The following TRAPPC8 variants were observed in gnomAD, a reference collection of about 807,000 sequenced individuals.
The protein encoded by TRAPPC8 is trafficking protein particle complex subunit 8.
Under a neutral mutation model 174.3 loss-of-function variants are expected in TRAPPC8, and 54 were observed. That is an observed-to-expected ratio of 0.31 (90% CI 0.25 to 0.39). The LOEUF is 0.39. Among genes scored for constraint, TRAPPC8 ranks in the 10% least tolerant of loss-of-function variants. The pLI, the probability that TRAPPC8 is intolerant of heterozygous loss-of-function variation, is 1.00. For missense variants in TRAPPC8, 1,531 were observed against 1,699.1 expected, an observed-to-expected ratio of 0.90 and a Z score of 1.74; for synonymous variants, 630 against 579.9, an observed-to-expected ratio of 1.09 and a Z score of -1.24.
intron 25 of TRAPPC8, 140 bp downstream of exon 25, chr18:31,849,426 A>C (rs914282487): frequency 5.4e-6 from 4 of 743,628 alleles, no homozygotes; most frequent in Non-Finnish European, 7.6e-6. Flanking sequence ...GCCAAAAAAA[A>C]ATATGTAACT....
At chr18:31,842,340 G>T (rs892519420) in intron 26 of TRAPPC8, among the ~76,000 whole-genome samples, 24 of 152,196 alleles carry the variant, frequency 1.6e-4, no homozygotes, top group African/African-American at 5.5e-4. Flanking sequence ...GCTACCAACT[G>T]ACCAATGTGC....
intron 12 of TRAPPC8, among the ~76,000 whole-genome samples, chr18:31,879,323 A>C (rs920775714): frequency 1.3e-5 from 2 of 152,180 alleles, no homozygotes; most frequent in African/African-American, 4.8e-5. Context: ...ACCAGGAGGA[A>C]CGCTCAAAAC....
At chr18:31,915,651 C>CT in intron 4 of TRAPPC8, among the ~76,000 whole-genome samples, 1 of 152,108 alleles carries the variant, frequency 6.6e-6, no homozygotes, top group East Asian at 1.9e-4. Context: ...AATCCCAGCA[C>CT]TTTGAGAGGC....
rs182526443 is a variant in TRAPPC8 at position 31,829,449 on chromosome 18, C to T, written c.*1306G>A. On this transcript the variant is annotated 3_prime_UTR_variant, in exon 29 of 29. Transcript: ENST00000283351. ...ATGTGACCTTCCTCTCCAACTTGTC[C>T]CACACCTGCTAAGACACAGAGTGGA... 2 of 152,272 alleles carry T rather than the reference C, an allele frequency of 1.3e-5. No individual in the cohort carries two copies. Among genetic ancestry groups the T allele is most frequent in the Admixed American group, 6.5e-5 (1 of 15,296 alleles). 9.4% of individuals were successfully genotyped at this position (152,272 alleles called of 1,614,324 possible).
intron 1 of TRAPPC8, among the ~76,000 whole-genome samples, chr18:31,940,715 T>C (rs903859712): frequency 1.3e-5 from 2 of 151,904 alleles, no homozygotes; most frequent in African/African-American, 2.4e-5. Flanking sequence ...GCCAGGATGG[T>C]CTCGAACTCC....
chr18:31,880,090 A>AAAAAAAAAAATATAT (rs1259899654), intron 12 of TRAPPC8, among the ~76,000 whole-genome samples: 1 of 85,378 alleles, frequency 1.2e-5, no homozygotes, highest in African/African-American at 5.2e-5. Context: ...TGAAAAAAAA[A>AAAAAAAAAAATATAT]ATATATATAT....
chr18:31,881,986 C>CA (rs2145286152), intron 12 of TRAPPC8, among the ~76,000 whole-genome samples: 1 of 152,142 alleles, frequency 6.6e-6, no homozygotes, highest in South Asian at 2.1e-4. Context: ...GAAAACAGAA[C>CA]AGTTATACAC....
intron 12 of TRAPPC8, among the ~76,000 whole-genome samples, chr18:31,887,471 C>T (rs1289184306): frequency 6.6e-6 from 1 of 151,880 alleles, no homozygotes; most frequent in Admixed American, 6.6e-5. Flanking sequence ...GTGGTGAAAC[C>T]CCATCTCTAC....
At chr18:31,864,596 T>G in intron 19 of TRAPPC8, 31 bp downstream of exon 19, 3 of 1,599,934 alleles carry the variant, frequency 1.9e-6, no homozygotes, top group Non-Finnish European at 2.6e-6. Context: ...ATAGATAAAT[T>G]AAGTCCATGA....
intron 9 of TRAPPC8, among the ~76,000 whole-genome samples, chr18:31,903,024 T>C (rs1200580721): frequency 6.9e-6 from 1 of 145,874 alleles, no homozygotes; most frequent in Non-Finnish European, 1.5e-5. Context: ...CACTCCAGCC[T>C]GGGTGACAGC....
chr18:31,858,028 T>C, intron 19 of TRAPPC8, 46 bp from the exon 20 acceptor site: 1 of 1,506,664 alleles, frequency 6.6e-7, no homozygotes, highest in Non-Finnish European at 8.9e-7. Flanking sequence ...TTAAAAATTT[T>C]GAACCTCTAA....
chr18:31,845,304 TA>T (rs1390445676), intron 26 of TRAPPC8: 1 of 152,040 alleles, frequency 6.6e-6, no homozygotes, highest in Non-Finnish European at 1.5e-5. Flanking sequence ...ACTAAAGAGA[TA>T]TAACAACTGA....
intron 17 of TRAPPC8, 94 bp downstream of exon 17, chr18:31,867,308 A>G: frequency 2.1e-6 from 2 of 945,420 alleles, no homozygotes; most frequent in South Asian, 1.6e-5. Context: ...TAAGAAAACT[A>G]GAATATAAAA....
At chr18:31,850,205 C>T (rs1376257142) in intron 24 of TRAPPC8, among the ~76,000 whole-genome samples, 1 of 152,100 alleles carries the variant, frequency 6.6e-6, no homozygotes, top group Admixed American at 6.6e-5. Context: ...CCTGCCTCAG[C>T]CTCCCAAAAT....
intron 1 of TRAPPC8, among the ~76,000 whole-genome samples, chr18:31,938,172 CTTAATT>C (rs2038184489): frequency 6.6e-6 from 1 of 151,784 alleles, no homozygotes. Flanking sequence ...AAAAACAAGG[CTTAATT>C]TTAATTTTTT....
At chr18:31,873,782 T>C (rs2035008728) in intron 13 of TRAPPC8, 2 of 363,764 alleles carry the variant, frequency 5.5e-6, no homozygotes, top group Non-Finnish European at 1.0e-5. Flanking sequence ...ATGTTAAATA[T>C]GCAAAACTTA....
At chr18:31,871,856 A>AT (rs2034879198) in intron 14 of TRAPPC8, among the ~76,000 whole-genome samples, 1 of 152,154 alleles carries the variant, frequency 6.6e-6, no homozygotes, top group South Asian at 2.1e-4. Context: ...GAATATGACA[A>AT]TTTAAAAAAA....
chr18:31,911,525 G>A (rs62093865), intron 5 of TRAPPC8, among the ~76,000 whole-genome samples: 20,230 of 151,584 alleles, frequency 0.13, 1,758 homozygotes, highest in South Asian at 0.3. Context: ...GATAACTTGA[G>A]GTCAGGAGTT....
intron 20 of TRAPPC8, among the ~76,000 whole-genome samples, chr18:31,856,666 T>A (rs1312286622): frequency 6.6e-6 from 1 of 152,206 alleles, no homozygotes; most frequent in African/African-American, 2.4e-5. Context: ...ACAAAAATTT[T>A]ACACTGTGGC....
Sources: allele counts gnomAD v4.1 joint callset (sites outside exome capture counted in the v4.1 genomes callset), GRCh38; gene constraint gnomAD v4.1.1; transcripts MANE v1.5; gene names NCBI Gene and HGNC (gene_info 2026-07-23, HGNC 2026-07-21).